Variants in DENND4C observed in about 807,000 individuals in gnomAD.
The protein encoded by DENND4C is DENN domain containing 4C, also known as DENN domain-containing protein 4C.
In DENND4C, 108 loss-of-function variants were observed where a neutral mutation model predicts 203.0. The ratio of observed to expected loss-of-function variants is 0.53; its 90% confidence interval spans 0.46 to 0.62. The LOEUF is 0.62. Ranked by LOEUF, DENND4C falls within the 20% of genes least tolerant of loss-of-function variation. DENND4C has a pLI of 0.00. For missense variants in DENND4C, 2,481 were observed against 2,301.2 expected (o/e 1.08, Z -1.60); for synonymous variants, 871 against 792.4 (o/e 1.10, Z -1.67).
rs1563816976 is a variant in DENND4C, at chr9:19,336,742, G to C, written c.2791G>C (p.Asp931His). Residue 931 changes from aspartate (D) to histidine (H), a missense_variant, in exon 20 of 33, where the codon GAT (aspartate) becomes CAT (histidine). Transcript: ENST00000434457. The part of the protein sequence containing the change: ...DGDTVSHGSV[D>H]SSNDANNGEH... ...GGACACGGTGAGCCACGGTAGTGTG[G>C]ATAGTTCTAATGATGCTAACAATGG... 1 of 1,551,024 alleles carries C rather than the reference G, an allele frequency of 6.4e-7. No individual in the cohort carries two copies. Among genetic ancestry groups the C allele is most frequent in the South Asian group, 1.2e-5 (1 of 84,052 alleles).
At chr9:19,241,524 T>C (rs1354750961) in intron 1 of DENND4C, among the ~76,000 whole-genome samples, 5 of 151,878 alleles carry the variant, frequency 3.3e-5, no homozygotes, top group African/African-American at 1.2e-4. Flanking sequence ...CTTTTTTTTT[T>C]TACTTTTTAA....
In DENND4C at chr9:19,288,462, A is replaced by G; in HGVS notation, c.559-134A>G. 3 of 438,594 alleles carry G rather than the reference A, an allele frequency of 6.8e-6. No homozygotes were observed. The Admixed American group carries it at 1.3e-4, about 19-fold the overall frequency. The allele number at this position is 438,594 out of a possible 1,614,324, so 27.2% of individuals were successfully genotyped here. ...AACTTCATGCTTTGCTGTATTTTAT[A>G]CTGCATAGTTCATTATATAAACGTT... On this transcript the variant is annotated intron_variant, in intron 3 of 32. Transcript: ENST00000434457.
chr9:19,371,488 C>A, intron 31 of DENND4C: 1 of 235,178 alleles, frequency 4.3e-6, no homozygotes, highest in Non-Finnish European at 8.2e-6. Flanking sequence ...AGCTTTATGC[C>A]CATTAACTAT....
At chr9:19,250,271 C>G (rs556715512) in intron 1 of DENND4C, among the ~76,000 whole-genome samples, 24 of 152,200 alleles carry the variant, frequency 1.6e-4, no homozygotes, top group African/African-American at 5.3e-4. Context: ...GGTGAAACCC[C>G]CATCTCTACT....
chr9:19,296,766 A>T (rs1837559765), intron 6 of DENND4C, among the ~76,000 whole-genome samples: 1 of 152,174 alleles, frequency 6.6e-6, no homozygotes, highest in Non-Finnish European at 1.5e-5. Flanking sequence ...ACTCTTATAA[A>T]TTATATTGTG....
At chr9:19,256,527 C>G (rs1331840041) in intron 1 of DENND4C, among the ~76,000 whole-genome samples, 1 of 151,708 alleles carries the variant, frequency 6.6e-6, no homozygotes, top group African/African-American at 2.4e-5. Flanking sequence ...GTTGGTTAGG[C>G]TGGTCACGAG....
At chr9:19,283,241 C>G (rs1340679907) in intron 2 of DENND4C, among the ~76,000 whole-genome samples, 1 of 152,000 alleles carries the variant, frequency 6.6e-6, no homozygotes, top group East Asian at 1.9e-4. Context: ...CCTACAGAGT[C>G]AGGATCATCA....
intron 1 of DENND4C, among the ~76,000 whole-genome samples, chr9:19,256,666 C>CT (rs1457894915): frequency 6.6e-6 from 1 of 151,782 alleles, no homozygotes; most frequent in African/African-American, 2.4e-5. Flanking sequence ...AAATCTGTGT[C>CT]TTTTTTATGT....
At chr9:19,304,125 A>C (rs977011502) in intron 9 of DENND4C, among the ~76,000 whole-genome samples, 1 of 103,772 alleles carries the variant, frequency 9.6e-6, no homozygotes, top group Non-Finnish European at 2.2e-5. Flanking sequence ...TTCTTGAGGA[A>C]TGTTTTTTTC....
intron 8 of DENND4C, 32 bp from the exon 9 acceptor site, chr9:19,300,155 C>A: frequency 1.3e-6 from 2 of 1,566,048 alleles, no homozygotes; most frequent in East Asian, 2.3e-5. Context: ...AAATAGTTCA[C>A]AATGATCTAC....
In DENND4C at chr9:19,335,199, G is replaced by A. The variant is rs1232392231; in HGVS notation, c.2589+94G>A. 4.9e-6 allele frequency: 4 copies of A among 814,150 alleles called. No individual in the cohort carries two copies. The African/African-American group carries it at 5.4e-5, about 11-fold the overall frequency. The allele number at this position is 814,150 out of a possible 1,614,324, so 50.4% of individuals were successfully genotyped here. A position where few individuals can be genotyped will look rare whatever the true frequency, so the allele number is the denominator to read the frequency against. On this transcript the variant is annotated intron_variant, in intron 18 of 32. Coordinates refer to ENST00000434457, the MANE Select transcript of DENND4C (RefSeq NM_001330640.2). Reference sequence around the variant, plus strand: ...ATTCATGAAACTCCTATTAAAGGAAGTTTTGGGATATAATTTTTTAATAAT... The same window carrying A: ...ATTCATGAAACTCCTATTAAAGGAAATTTTGGGATATAATTTTTTAATAAT...
At chr9:19,308,673 A>G (rs548458993) in intron 10 of DENND4C, among the ~76,000 whole-genome samples, 12 of 152,250 alleles carry the variant, frequency 7.9e-5, no homozygotes, top group African/African-American at 2.6e-4. Context: ...AATTTATCAA[A>G]TTTATTAATT....
intron 5 of DENND4C, 29 bp downstream of exon 5, chr9:19,290,905 A>AT: frequency 6.3e-7 from 1 of 1,585,750 alleles, no homozygotes; most frequent in Non-Finnish European, 8.6e-7. Flanking sequence ...GATTAAACAC[A>AT]TTTTGTCCAT....
Position 19,242,388 on chromosome 9 carries a change from C to T in DENND4C, c.-18+11555C>T, listed in dbSNP as rs576589020. On this transcript the variant is annotated intron_variant, in intron 1 of 32. Coordinates refer to ENST00000434457, the MANE Select transcript of DENND4C (RefSeq NM_001330640.2). Reference sequence around the variant, plus strand: ...TAAAGCTGCTTATAATCATTGTGTGCAGGTTTTGTGTAACTATAAGTTTTT... The same window carrying T: ...TAAAGCTGCTTATAATCATTGTGTGTAGGTTTTGTGTAACTATAAGTTTTT... 2.6e-5 allele frequency among the ~76,000 whole-genome samples: 4 copies of T among 152,266 alleles called. No individual in the cohort carries two copies. The South Asian group carries it at 6.2e-4, about 24-fold the overall frequency.
Position 19,358,823 on chromosome 9 carries a change from G to A in DENND4C, c.5160+663G>A, listed in dbSNP as rs1168205947. On this transcript the variant is annotated intron_variant, in intron 28 of 32. Transcript: ENST00000434457. This position sits in a 1 kb window ranked among gnomAD's most constrained non-coding sequence, Gnocchi z 4.8. The stretch of plus-strand genomic sequence containing the variant: ...ATTGCAACGATAAAAGTTGGAATTT[G>A]TGTCCGGAACCTTGATCAGATTTGG... 6.6e-6 allele frequency among the ~76,000 whole-genome samples: 1 copy of A among 151,812 alleles called. No individual in the cohort carries two copies. The highest frequency in any genetic ancestry group is 1.5e-5 in the Non-Finnish European group (1 of 68,016).
chr9:19,319,339 CATAT>C lies in DENND4C; in HGVS notation c.1807+2508_1807+2511del, dbSNP rs201515895. 1.6e-3 allele frequency among the ~76,000 whole-genome samples: 79 copies of C among 50,444 alleles called. 1 individual carries two copies. Among genetic ancestry groups the C allele is most frequent in the African/African-American group, 3.7e-3 (77 of 20,644 alleles). The allele number at this position is 50,444 out of a possible 152,430, so 33.1% of individuals were successfully genotyped here. On this transcript the variant is annotated intron_variant, in intron 12 of 32. Coordinates refer to ENST00000434457, the MANE Select transcript of DENND4C (RefSeq NM_001330640.2). ...ACACATATATATACATATATATACA[CATAT>C]ATATATACTTATATATACACACATA...
At chr9:19,250,959 G>A (rs1490423632) in intron 1 of DENND4C, among the ~76,000 whole-genome samples, 2 of 152,184 alleles carry the variant, frequency 1.3e-5, no homozygotes, top group African/African-American at 4.8e-5. Context: ...GCAAACTGTG[G>A]GAGGATCTAC....
chr9:19,311,091 T>C (rs1433058925), intron 10 of DENND4C, among the ~76,000 whole-genome samples: 2 of 152,204 alleles, frequency 1.3e-5, no homozygotes, highest in East Asian at 3.8e-4. Flanking sequence ...GACTTATGTA[T>C]TACATTAAAG....
At chr9:19,259,267 G>A (rs1380917807) in intron 1 of DENND4C, among the ~76,000 whole-genome samples, 10 of 151,576 alleles carry the variant, frequency 6.6e-5, no homozygotes, top group East Asian at 3.9e-4. Context: ...CCTTTGCAGC[G>A]TCTGATAGCT....
Sources: allele counts gnomAD v4.1 joint callset (sites outside exome capture counted in the v4.1 genomes callset), GRCh38; gene constraint gnomAD v4.1.1; non-coding constraint Gnocchi (gnomAD v3.1); transcripts MANE v1.5; gene names NCBI Gene and HGNC (gene_info 2026-07-23, HGNC 2026-07-21).